Variants in THSD7B observed in about 807,000 individuals in gnomAD.
THSD7B encodes the protein thrombospondin type-1 domain-containing protein 7B.
Under a neutral mutation model 213.6 loss-of-function variants are expected in THSD7B, and 138 were observed. That is an observed-to-expected ratio of 0.65 (90% CI 0.56 to 0.74). The LOEUF is 0.74. Among genes scored for constraint, THSD7B ranks in the 30% least tolerant of loss-of-function variants. THSD7B has a pLI of 0.00. For synonymous variants in THSD7B, 742 were observed against 687.0 expected, an observed-to-expected ratio of 1.08 and a Z score of -1.25; for missense variants, 1,931 against 1,991.5, an observed-to-expected ratio of 0.97 and a Z score of 0.58.
At chr2:137,080,278 G>A (rs1339774776) in intron 3 of THSD7B, among the ~76,000 whole-genome samples, 1 of 151,370 alleles carries the variant, frequency 6.6e-6, no homozygotes, top group Non-Finnish European at 1.5e-5. Context: ...TTAGCTCACT[G>A]CAACCTCTGC....
intron 21 of THSD7B, among the ~76,000 whole-genome samples, chr2:137,650,708 A>G (rs1231224496): frequency 6.6e-6 from 1 of 152,204 alleles, no homozygotes; most frequent in African/African-American, 2.4e-5. Context: ...ATACAATGTT[A>G]GCTGTGAGTC....
chr2:137,052,345 A>C (rs1363704072), intron 2 of THSD7B, among the ~76,000 whole-genome samples: 1 of 152,176 alleles, frequency 6.6e-6, no homozygotes, highest in South Asian at 2.1e-4. Context: ...GAAAGCAACC[A>C]GCATGAGTTT....
At chr2:137,414,015 C>G (rs1272132358) in intron 14 of THSD7B, among the ~76,000 whole-genome samples, 1 of 152,142 alleles carries the variant, frequency 6.6e-6, no homozygotes, top group Non-Finnish European at 1.5e-5. Flanking sequence ...TATATGTTAT[C>G]TGTCATTCAT....
At chr2:136,841,777 G>C (rs1253403501) in intron 1 of THSD7B, among the ~76,000 whole-genome samples, 1 of 152,120 alleles carries the variant, frequency 6.6e-6, no homozygotes, top group East Asian at 1.9e-4. Context: ...ACACAGCTGG[G>C]TGTATCTTCT....
chr2:137,084,703 G>A, intron 3 of THSD7B, among the ~76,000 whole-genome samples: 1 of 152,104 alleles, frequency 6.6e-6, no homozygotes, highest in East Asian at 1.9e-4. Flanking sequence ...GAATCTATAA[G>A]GTGGACACAA....
At chr2:137,116,635 T>G (rs1688451212) in intron 5 of THSD7B, among the ~76,000 whole-genome samples, 3 of 152,356 alleles carry the variant, frequency 2.0e-5, no homozygotes, top group Middle Eastern at 3.4e-3. Flanking sequence ...TAAACTTTCT[T>G]TTGTAAAAAT....
intron 2 of THSD7B, among the ~76,000 whole-genome samples, chr2:136,887,101 CT>C (rs966505759): frequency 6.6e-6 from 1 of 152,024 alleles, no homozygotes; most frequent in African/African-American, 2.4e-5. Context: ...ACAACATAAA[CT>C]TTACCATTTT....
At chr2:137,466,404 C>T (rs868338090) in intron 15 of THSD7B, among the ~76,000 whole-genome samples, 20 of 152,284 alleles carry the variant, frequency 1.3e-4, no homozygotes, top group African/African-American at 4.3e-4. Context: ...CTTGTCCAAC[C>T]CATGGCCTGC....
intron 14 of THSD7B, among the ~76,000 whole-genome samples, chr2:137,419,665 A>G (rs1445318522): frequency 2.0e-5 from 3 of 151,996 alleles, no homozygotes; most frequent in East Asian, 2.0e-4. Flanking sequence ...AAGGGTAGGT[A>G]TATGTAAAAT....
At chr2:137,305,812 G>A (rs1349303681) in intron 12 of THSD7B, among the ~76,000 whole-genome samples, 2 of 152,032 alleles carry the variant, frequency 1.3e-5, no homozygotes, top group East Asian at 1.9e-4. Flanking sequence ...ATCATAGAGT[G>A]TACTTACATG....
At chr2:137,073,028 G>T (rs1687531424) in intron 3 of THSD7B, among the ~76,000 whole-genome samples, 2 of 152,044 alleles carry the variant, frequency 1.3e-5, no homozygotes, top group Admixed American at 1.3e-4. Flanking sequence ...GAGGATTTTT[G>T]CATCAATGTT....
chr2:137,211,813 A>G lies in THSD7B; in HGVS notation c.1724-19231A>G, dbSNP rs187807776. Among the ~76,000 whole-genome samples, 19 of 152,192 alleles carry G rather than the reference A, an allele frequency of 1.2e-4. No individual in the cohort carries two copies. The East Asian group carries it at 2.7e-3, about 22-fold the overall frequency. ...TCAAAGTGTCTTTCATGGCATTTGCATATGCACCTGCCTATTATCACATTA... is the reference window on the plus strand; with the variant it reads ...TCAAAGTGTCTTTCATGGCATTTGCGTATGCACCTGCCTATTATCACATTA... On this transcript the variant is annotated intron_variant, in intron 7 of 27. Coordinates refer to ENST00000409968, the MANE Select transcript of THSD7B (RefSeq NM_001316349.2).
chr2:137,448,478 G>T (rs904527741), intron 14 of THSD7B, among the ~76,000 whole-genome samples: 12 of 152,152 alleles, frequency 7.9e-5, no homozygotes, highest in Non-Finnish European at 1.3e-4. Context: ...AATAAGTTTG[G>T]TAGGCAGTCC....
intron 12 of THSD7B, among the ~76,000 whole-genome samples, chr2:137,347,338 C>G (rs1309013022): frequency 6.6e-6 from 1 of 151,626 alleles, no homozygotes; most frequent in Non-Finnish European, 1.5e-5. Context: ...GTACGAGTTA[C>G]ATGTTACCAT....
Position 137,437,211 on chromosome 2 carries a change from G to A in THSD7B, c.2960-13634G>A, listed in dbSNP as rs754626671. Among the ~76,000 whole-genome samples the A allele has an allele frequency of 2.0e-5, 3 of 152,084 alleles. No individual in the cohort carries two copies. The East Asian group carries it at 5.8e-4, about 29-fold the overall frequency. On this transcript the variant is annotated intron_variant, in intron 14 of 27. Transcript: ENST00000409968. ...CCTGGATCAGAGCTATACTTCAAATGTACACAGCCATAGCCTTGGCAGCCC... is the reference window on the plus strand; with the variant it reads ...CCTGGATCAGAGCTATACTTCAAATATACACAGCCATAGCCTTGGCAGCCC...
At chr2:136,878,084 C>T (rs1008012027) in intron 1 of THSD7B, among the ~76,000 whole-genome samples, 9 of 152,136 alleles carry the variant, frequency 5.9e-5, no homozygotes, top group Admixed American at 5.2e-4. Context: ...CCCCACCCCA[C>T]AACAGGTCCC....
intron 12 of THSD7B, among the ~76,000 whole-genome samples, chr2:137,311,697 TGA>T (rs1477029589): frequency 6.6e-6 from 1 of 151,894 alleles, no homozygotes; most frequent in Non-Finnish European, 1.5e-5. Flanking sequence ...CCTAATTTAT[TGA>T]GAGTTTTTAG....
At chr2:137,285,496 T>C (rs1683148705) in intron 12 of THSD7B, among the ~76,000 whole-genome samples, 2 of 152,070 alleles carry the variant, frequency 1.3e-5, no homozygotes, top group African/African-American at 4.8e-5. Flanking sequence ...TTCCTAGCCT[T>C]CATGGTCTTT....
chr2:136,961,915 C>T (rs1685226594), intron 2 of THSD7B, among the ~76,000 whole-genome samples: 1 of 152,220 alleles, frequency 6.6e-6, no homozygotes, highest in Admixed American at 6.5e-5. Flanking sequence ...CCTCTGTCAT[C>T]ACCAAAGATG....
Sources: gnomAD v4.1 joint callset for allele counts (sites outside exome capture counted in the v4.1 genomes callset) on GRCh38, gnomAD v4.1.1 for gene constraint, MANE v1.5 for transcripts, NCBI Gene and HGNC (gene_info 2026-07-23, HGNC 2026-07-21) for gene names.